NDUFA8: variants seen among roughly 807,000 people sequenced by gnomAD.
NDUFA8 encodes the protein NADH:ubiquinone oxidoreductase subunit A8.
In NDUFA8, 16 loss-of-function variants were observed where a neutral mutation model predicts 20.9. The ratio of observed to expected loss-of-function variants is 0.77; its 90% CI spans 0.52 to 1.16. The LOEUF (loss-of-function observed/expected upper bound fraction) is 1.16, where lower values mean the gene tolerates loss of function less well. Ranked by LOEUF, NDUFA8 falls within the 50% of genes most tolerant of loss-of-function variation. The probability of loss-of-function intolerance (pLI) is 0.00; values close to 1 mark genes in which losing one functional copy is unlikely to be tolerated. For missense variants in NDUFA8, 202 were observed against 216.4 expected (o/e 0.93, Z 0.42); for synonymous variants, 70 against 76.1 (o/e 0.92, Z 0.41).
In NDUFA8 at chr9:122,159,750, ACCG is replaced by A. The variant is rs1432958197; in HGVS notation, c.-76_-74del. On this transcript the variant is annotated 5_prime_UTR_variant, in exon 1 of 4. Coordinates refer to ENST00000373768, the MANE Select transcript of NDUFA8 (RefSeq NM_014222.3). ...CCCGTCTCCTTGAACTCCCCTTTCG[ACCG>A]CCGAGTGCCACACGGCGCCTGCGCA... 2 of 1,605,986 alleles carry A rather than the reference ACCG, an allele frequency of 1.2e-6. No homozygotes were observed. The highest frequency in any genetic ancestry group is 2.7e-5 in the African/African-American group (2 of 74,704).
At chr9:122,153,916 G>A (rs1829040204) in intron 1 of NDUFA8, among the ~76,000 whole-genome samples, 1 of 152,126 alleles carries the variant, frequency 6.6e-6, no homozygotes, top group Admixed American at 6.5e-5. Context: ...TCTTATATAA[G>A]CTATCATCAG....
At chr9:122,148,332 A>C (rs1356124171) in intron 2 of NDUFA8, 55 bp from the exon 3 acceptor site, 3 of 1,593,676 alleles carry the variant, frequency 1.9e-6, no homozygotes, top group Non-Finnish European at 2.6e-6. Flanking sequence ...GAAAAACAGA[A>C]AAGTGAGAAA....
chr9:122,138,875 G>GGGGC, the NDUFA8 span, among the ~76,000 whole-genome samples: 1 of 135,154 alleles, frequency 7.4e-6, no homozygotes, highest in African/African-American at 2.6e-5. Flanking sequence ...TGGGGGGGGG[G>GGGGC]CCATCTGAGC....
At chr9:122,157,398 A>ACCGG (rs1431365197) in intron 1 of NDUFA8, among the ~76,000 whole-genome samples, 3 of 152,250 alleles carry the variant, frequency 2.0e-5, no homozygotes, top group Non-Finnish European at 4.4e-5. Flanking sequence ...AATCAAGGTG[A>ACCGG]CCGGCAGGTA....
chr9:122,151,835 C>A (rs1355054954), intron 2 of NDUFA8, among the ~76,000 whole-genome samples: 1 of 152,194 alleles, frequency 6.6e-6, no homozygotes, highest in Admixed American at 6.5e-5. Context: ...AAACCTAACT[C>A]CGCATACAGT....
chr9:122,144,379 C>T lies in NDUFA8; in HGVS notation c.382-1G>A. On this transcript the variant is annotated splice_acceptor_variant, in intron 3 of 3. Coordinates refer to ENST00000373768, the MANE Select transcript of NDUFA8 (RefSeq NM_014222.3). LOFTEE classifies it high-confidence loss of function. ...GTCGATCTGTTTTCACTTTGGTGAC[C>T]TGGGAAGGGTGAAGAGGGCAAAAGC... is the stretch of plus-strand genomic sequence containing the variant. 1.2e-6 allele frequency: 2 copies of T among 1,614,142 alleles called. No homozygotes were observed. The highest frequency in any genetic ancestry group is 1.7e-6 in the Non-Finnish European group (2 of 1,180,012).
intron 1 of NDUFA8, among the ~76,000 whole-genome samples, chr9:122,158,524 G>C: frequency 6.6e-6 from 1 of 151,964 alleles, no homozygotes; most frequent in East Asian, 1.9e-4. Flanking sequence ...ATAATATAGT[G>C]GAAAAGCATT....
the NDUFA8 span, among the ~76,000 whole-genome samples, chr9:122,137,238 C>CTTTTTTTTTTTT: frequency 6.6e-5 from 7 of 106,588 alleles, no homozygotes; most frequent in Admixed American, 1.2e-4. Flanking sequence ...TTTTCCTTTC[C>CTTTTTTTTTTTT]TTTTTTTTTT....
chr9:122,150,170 C>T (rs1828970467), intron 2 of NDUFA8, among the ~76,000 whole-genome samples: 2 of 152,020 alleles, frequency 1.3e-5, no homozygotes, highest in African/African-American at 4.8e-5. Context: ...CGCTTGTAAT[C>T]CCAGCACTTT....
At chr9:122,152,092 A>G (rs913934851) in intron 2 of NDUFA8, among the ~76,000 whole-genome samples, 153 bp downstream of exon 2, 1 of 152,244 alleles carries the variant, frequency 6.6e-6, no homozygotes, top group African/African-American at 2.4e-5. Context: ...AAACAAAACC[A>G]AAAATAATTA....
At chr9:122,158,848 G>A (rs1467364480) in intron 1 of NDUFA8, among the ~76,000 whole-genome samples, 2 of 151,526 alleles carry the variant, frequency 1.3e-5, no homozygotes, top group East Asian at 3.9e-4. Context: ...GTTGCTGGGA[G>A]GATTCAATGA....
At chr9:122,135,403 C>A in the NDUFA8 span, among the ~76,000 whole-genome samples, 1 of 152,196 alleles carries the variant, frequency 6.6e-6, no homozygotes, top group African/African-American at 2.4e-5. Flanking sequence ...CATGAGTCAC[C>A]AGACAGAGTG....
At chr9:122,153,467 A>C (rs1330874946) in intron 1 of NDUFA8, among the ~76,000 whole-genome samples, 1 of 151,896 alleles carries the variant, frequency 6.6e-6, no homozygotes, top group Non-Finnish European at 1.5e-5. Context: ...TAAAAATCAG[A>C]GCGTATCCAA....
chr9:122,154,084 T>A (rs1238022809), intron 1 of NDUFA8, among the ~76,000 whole-genome samples: 1 of 152,208 alleles, frequency 6.6e-6, no homozygotes, highest in East Asian at 1.9e-4. Context: ...AGCCCCTGAG[T>A]GGTCTGTGTG....
chr9:122,143,420 T>C (rs1828849596), downstream of NDUFA8, among the ~76,000 whole-genome samples: 1 of 152,218 alleles, frequency 6.6e-6, no homozygotes, highest in Non-Finnish European at 1.5e-5. Context: ...CAAAGAGCTT[T>C]ATAAACACTT....
intron 1 of NDUFA8, among the ~76,000 whole-genome samples, chr9:122,152,894 A>C (rs111572860): frequency 1.8e-4 from 27 of 152,158 alleles, no homozygotes; most frequent in African/African-American, 6.3e-4. Context: ...GTAGAGAAGG[A>C]TGGAGTCTTC....
At chr9:122,152,693 T>G (rs937613233) in intron 1 of NDUFA8, among the ~76,000 whole-genome samples, 1 of 152,032 alleles carries the variant, frequency 6.6e-6, no homozygotes, top group Non-Finnish European at 1.5e-5. Context: ...GTAGCTGGGA[T>G]TACAGGCATA....
At chr9:122,141,114 C>T (rs1161346925), downstream of NDUFA8, among the ~76,000 whole-genome samples, 1 of 152,100 alleles carries the variant, frequency 6.6e-6, no homozygotes, top group Non-Finnish European at 1.5e-5. Context: ...GGATAGCATT[C>T]GTGAAGATCT....
intron 2 of NDUFA8, among the ~76,000 whole-genome samples, chr9:122,150,382 G>A (rs1828975848): frequency 7.9e-6 from 1 of 125,808 alleles, no homozygotes; most frequent in Admixed American, 1.0e-4. Context: ...CTGCACTCCA[G>A]CCTGGGCGAC....
Sources: gnomAD v4.1 joint callset for allele counts (sites outside exome capture counted in the v4.1 genomes callset) on GRCh38, gnomAD v4.1.1 for gene constraint, MANE v1.5 for transcripts, NCBI Gene and HGNC (gene_info 2026-07-23, HGNC 2026-07-21) for gene names.